Variants in PAX6 observed in about 807,000 individuals in gnomAD.
PAX6 encodes paired box protein Pax-6.
PAX6 carries 7 observed loss-of-function variants against 60.7 expected under a neutral mutation model. The ratio of observed to expected loss-of-function variants is 0.12; its 90% CI spans 0.07 to 0.22. The LOEUF (loss-of-function observed/expected upper bound fraction) is 0.22, where lower values mean the gene tolerates loss of function less well. Ranked by LOEUF, PAX6 falls within the 10% of genes least tolerant of loss-of-function variation. The pLI is 1.00. For synonymous variants in PAX6, 208 were observed against 201.2 expected, an observed-to-expected ratio of 1.03 and a Z score of -0.29; for missense variants, 355 against 555.2, an observed-to-expected ratio of 0.64 and a Z score of 3.62.
upstream of PAX6, chr11:31,812,302 C>CTG (rs61627052): frequency 0.032 from 2,746 of 86,158 alleles, 62 homozygotes; most frequent in Middle Eastern, 0.051. Context: ...CTCTCTCTCT[C>CTG]TGTGTGTGTG....
chr11:31,791,013 T>C lies in PAX6; in HGVS notation c.1075-153A>G, dbSNP rs1949761983. On this transcript the variant is annotated intron_variant, in intron 12 of 13. Transcript: ENST00000640368. ...GGAATTCCATATGATAAATCTAAGATTGGGCCTCGAGCTAGTCCTTCCACT... is the reference window on the plus strand; with the variant it reads ...GGAATTCCATATGATAAATCTAAGACTGGGCCTCGAGCTAGTCCTTCCACT... 4 of 868,798 alleles carry C rather than the reference T, an allele frequency of 4.6e-6. No homozygotes were observed. In the East Asian group the frequency reaches 8.0e-5, roughly 17 times the overall value. The allele number at this position is 868,798 out of a possible 1,614,324, so 53.8% of individuals were successfully genotyped here.
chr11:31,810,647 G>C (rs1956879987), intron 2 of PAX6, 181 bp downstream of exon 2: 1 of 386,272 alleles, frequency 2.6e-6, no homozygotes, highest in African/African-American at 2.1e-5. Context: ...GCCCTCCGAC[G>C]CGGGCTTTCG....
At chr11:31,796,364 C>G (rs910604393) in intron 8 of PAX6, among the ~76,000 whole-genome samples, 15 of 152,052 alleles carry the variant, frequency 9.9e-5, no homozygotes, top group Non-Finnish European at 1.9e-4. Context: ...TTACAAGAAG[C>G]CCAGTCAACA....
chr11:31,811,775 A>G (rs1957056312), upstream of PAX6: 1 of 145,938 alleles, frequency 6.9e-6, no homozygotes, highest in African/African-American at 2.5e-5. Context: ...GCCCCAAGAC[A>G]CAGAGCACAG....
At chr11:31,813,568 C>T (rs1957235244), upstream of PAX6, among the ~76,000 whole-genome samples, 1 of 152,100 alleles carries the variant, frequency 6.6e-6, no homozygotes. Flanking sequence ...TCTCCCACCC[C>T]TCCAACCCCC....
chr11:31,815,759 C>T (rs1397415597), upstream of PAX6, among the ~76,000 whole-genome samples: 1 of 142,822 alleles, frequency 7.0e-6, no homozygotes, highest in East Asian at 2.0e-4. Flanking sequence ...ATATATTTGT[C>T]AGCGCTATCT....
intron 8 of PAX6, among the ~76,000 whole-genome samples, chr11:31,799,439 T>C (rs985070509): frequency 6.6e-6 from 1 of 152,172 alleles, no homozygotes; most frequent in African/African-American, 2.4e-5. Flanking sequence ...AACTGACATG[T>C]CTAATTGGCA....
At chr11:31,794,603 C>T in intron 9 of PAX6, 27 bp downstream of exon 9, 1 of 1,613,498 alleles carries the variant, frequency 6.2e-7, no homozygotes, top group Non-Finnish European at 8.5e-7. Context: ...TGATTTACTG[C>T]TTCTCTACTT....
At chr11:31,800,887 G>T in intron 7 of PAX6, 31 bp from the exon 8 acceptor site, 1 of 1,609,834 alleles carries the variant, frequency 6.2e-7, no homozygotes, top group Non-Finnish European at 8.5e-7. Context: ...AAACCAAATG[G>T]TAGTGTCTCC....
intron 8 of PAX6, among the ~76,000 whole-genome samples, chr11:31,799,959 C>G (rs1026096873): frequency 6.7e-6 from 1 of 149,068 alleles, no homozygotes; most frequent in African/African-American, 2.5e-5. Context: ...CGCCCCACCC[C>G]CCCCATCCCC....
At chr11:31,809,898 A>T (rs1473301831) in intron 2 of PAX6, 2 of 152,426 alleles carry the variant, frequency 1.3e-5, no homozygotes, top group African/African-American at 4.8e-5. Context: ...ACAAGGAAAA[A>T]TACCCACCAA....
intron 8 of PAX6, among the ~76,000 whole-genome samples, chr11:31,798,857 A>C (rs977106385): frequency 6.6e-6 from 1 of 152,174 alleles, no homozygotes; most frequent in Non-Finnish European, 1.5e-5. Flanking sequence ...CTCTGGTGGA[A>C]GCTGCTGTCC....
At chr11:31,794,423 CACACACACACACACACACA>C (rs1565204611) in intron 9 of PAX6, 188 bp downstream of exon 9, 244 of 2,980 alleles carry the variant, frequency 0.082, no homozygotes, top group Middle Eastern at 0.17. Flanking sequence ...ACACACACCA[CACACACACACACACACACA>C]CACACACACA....
chr11:31,795,055 T>C (rs1951089877), intron 8 of PAX6, among the ~76,000 whole-genome samples: 1 of 152,204 alleles, frequency 6.6e-6, no homozygotes, highest in Non-Finnish European at 1.5e-5. Flanking sequence ...CACTGAAGTT[T>C]CCAATTAAAA....
At chr11:31,801,333 T>C in intron 7 of PAX6, 4 of 1,444,822 alleles carry the variant, frequency 2.8e-6, no homozygotes, top group Non-Finnish European at 3.6e-6. Flanking sequence ...CCCTCTGTTT[T>C]GCAGCATGCA....
chr11:31,816,867 G>T (rs1186673794), intron 1 of PAX6, among the ~76,000 whole-genome samples: 1 of 152,254 alleles, frequency 6.6e-6, no homozygotes, highest in Non-Finnish European at 1.5e-5. Flanking sequence ...ACTCCCGGGC[G>T]GGGTTCTTGG....
chr11:31,802,680 G>T, intron 5 of PAX6, 24 bp downstream of exon 5: 2 of 1,604,496 alleles, frequency 1.2e-6, no homozygotes, highest in Non-Finnish European at 1.7e-6. Context: ...GGGGCGGCGA[G>T]TGGGGCGGCG....
At chr11:31,809,780 A>C (rs1437815569) in intron 2 of PAX6, 1 of 152,272 alleles carries the variant, frequency 6.6e-6, no homozygotes, top group Non-Finnish European at 1.5e-5. Flanking sequence ...AGGCCTTACC[A>C]AGAAAAACAT....
chr11:31,803,298 T>G, intron 4 of PAX6: 1 of 208,790 alleles, frequency 4.8e-6, no homozygotes, highest in Non-Finnish European at 9.9e-6. Context: ...TCTATAAATC[T>G]CCCAAAGATC....
Sources: gnomAD v4.1 joint callset for allele counts (sites outside exome capture counted in the v4.1 genomes callset) on GRCh38, gnomAD v4.1.1 for gene constraint, MANE v1.5 for transcripts, NCBI Gene and HGNC (gene_info 2026-07-23, HGNC 2026-07-21) for gene names.